Variants in TLE4 observed in about 807,000 individuals in gnomAD.
TLE4 encodes the protein TLE family member 4, transcriptional corepressor, also known as transducin-like enhancer protein 4.
A neutral mutation model predicts 92.8 loss-of-function variants in TLE4; 8 were observed. That is an observed-to-expected ratio of 0.09 (90% CI 0.05 to 0.16). The LOEUF (loss-of-function observed/expected upper bound fraction) is 0.16, where lower values mean the gene tolerates loss of function less well. TLE4 is among the 10% of genes least tolerant of loss of function. The pLI is 1.00. For synonymous variants in TLE4, 371 were observed against 374.1 expected (o/e 0.99, Z 0.10); for missense variants, 675 against 997.6 (o/e 0.68, Z 4.36).
chr9:79,573,636 C>A, intron 1 of TLE4, 53 bp from the exon 2 acceptor site: 1 of 1,442,888 alleles, frequency 6.9e-7, no homozygotes, highest in South Asian at 1.3e-5. Context: ...TTCTCCGTCT[C>A]CCTGCTTCGC....
chr9:79,624,006 T>C (rs1392099498), intron 5 of TLE4, among the ~76,000 whole-genome samples: 1 of 151,484 alleles, frequency 6.6e-6, no homozygotes, highest in African/African-American at 2.4e-5. Context: ...AAGCAGGAAG[T>C]AGAAGAGGAA....
chr9:79,698,872 C>T (rs948916298), intron 8 of TLE4, among the ~76,000 whole-genome samples: 2 of 144,270 alleles, frequency 1.4e-5, no homozygotes, highest in African/African-American at 2.6e-5. Context: ...TATATATATA[C>T]ATATATATAT....
At chr9:79,624,552 AAAG>A (rs1465477663) in intron 5 of TLE4, among the ~76,000 whole-genome samples, 6 of 152,204 alleles carry the variant, frequency 3.9e-5, no homozygotes, top group African/African-American at 9.6e-5. Context: ...TTGCCATCAA[AAAG>A]AAGAAGCTGA....
intron 4 of TLE4, among the ~76,000 whole-genome samples, chr9:79,610,865 C>G (rs1432024078): frequency 1.4e-5 from 2 of 147,850 alleles, no homozygotes; most frequent in African/African-American, 4.9e-5. Flanking sequence ...TGTAGGCGAA[C>G]TAAAGAACTC....
At chr9:79,663,216 AAGCAGAAACT>A (rs2060830209) in intron 8 of TLE4, among the ~76,000 whole-genome samples, 4 of 152,338 alleles carry the variant, frequency 2.6e-5, no homozygotes, top group Admixed American at 2.6e-4. Context: ...TTTATGAATT[AAGCAGAAACT>A]AAAAGCTTGA....
intron 4 of TLE4, among the ~76,000 whole-genome samples, chr9:79,583,486 T>G (rs1157059472): frequency 2.0e-5 from 3 of 152,176 alleles, no homozygotes; most frequent in African/African-American, 7.2e-5. Context: ...GAGACAATAC[T>G]CTATCCCCAA....
At chr9:79,654,176 A>G (rs1421001018) in intron 8 of TLE4, 101 bp downstream of exon 8, 9 of 1,263,928 alleles carry the variant, frequency 7.1e-6, no homozygotes, top group Non-Finnish European at 1.0e-5. Flanking sequence ...GAATGATTTC[A>G]TTGGTTAGTA....
chr9:79,572,419 G>T lies in TLE4; in HGVS notation c.-372G>T. On this transcript the variant is annotated 5_prime_UTR_variant, in exon 1 of 20. Transcript: ENST00000376552. The stretch of plus-strand genomic sequence containing the variant: ...GGACGCAGAGCGAGCGAGAGGAGCT[G>T]CCGGCGGGCGGTGGGGCGCGGAGCC... 6.5e-6 allele frequency: 1 copy of T among 152,722 alleles called. No homozygotes were observed. Among genetic ancestry groups the T allele is most frequent in the Non-Finnish European group, 1.5e-5 (1 of 68,430 alleles). 9.5% of individuals were successfully genotyped at this position (152,722 alleles called of 1,614,324 possible). A position where few individuals can be genotyped will look rare whatever the true frequency, so the allele number is the denominator to read the frequency against.
At chr9:79,686,072 TATAA>T (rs1335682215) in intron 8 of TLE4, among the ~76,000 whole-genome samples, 1 of 152,230 alleles carries the variant, frequency 6.6e-6, no homozygotes, top group African/African-American at 2.4e-5. Flanking sequence ...TAAGTAATAC[TATAA>T]ATAGGCATTA....
chr9:79,657,112 A>G (rs1372992768), intron 8 of TLE4, among the ~76,000 whole-genome samples: 1 of 152,168 alleles, frequency 6.6e-6, no homozygotes. Flanking sequence ...ATGATGAGAA[A>G]CTAGACCAGT....
At chr9:79,658,498 C>T (rs1397490131) in intron 8 of TLE4, among the ~76,000 whole-genome samples, 2 of 152,162 alleles carry the variant, frequency 1.3e-5, no homozygotes, top group African/African-American at 2.4e-5. Flanking sequence ...ACTAAAACAT[C>T]ATACATTGCT....
At chr9:79,673,867 G>T (rs750921459) in intron 8 of TLE4, among the ~76,000 whole-genome samples, 2 of 152,052 alleles carry the variant, frequency 1.3e-5, no homozygotes, top group African/African-American at 4.8e-5. Context: ...TTTTTGCCCC[G>T]ACCCCTGGTC....
intron 11 of TLE4, chr9:79,707,285 T>G: frequency 7.7e-7 from 1 of 1,292,786 alleles, no homozygotes; most frequent in Non-Finnish European, 1.1e-6. Flanking sequence ...AAGCTACATA[T>G]GACGGCAATA....
At chr9:79,638,924 C>T (rs2133881710) in intron 6 of TLE4, among the ~76,000 whole-genome samples, 1 of 152,132 alleles carries the variant, frequency 6.6e-6, no homozygotes, top group East Asian at 1.9e-4. Context: ...CAGAGGCTAC[C>T]CTCTGCTATC....
At chr9:79,576,410 ACT>A (rs1307744712) in intron 4 of TLE4, 13 of 310,782 alleles carry the variant, frequency 4.2e-5, no homozygotes, top group Non-Finnish European at 6.4e-5. Flanking sequence ...TACATATTAA[ACT>A]CTGTACACTT....
chr9:79,671,779 A>G (rs2062394139), intron 8 of TLE4, among the ~76,000 whole-genome samples: 1 of 152,070 alleles, frequency 6.6e-6, no homozygotes, highest in Non-Finnish European at 1.5e-5. Flanking sequence ...TGATTGCAGT[A>G]TTCAGGGTGC....
chr9:79,688,756 CTT>C (rs1461145329), intron 8 of TLE4, among the ~76,000 whole-genome samples: 11 of 151,912 alleles, frequency 7.2e-5, no homozygotes, highest in Admixed American at 7.2e-4. Flanking sequence ...GTTTTATACT[CTT>C]CAATTGCCAA....
At chr9:79,699,995 A>T (rs958867543) in intron 8 of TLE4, among the ~76,000 whole-genome samples, 1 of 152,218 alleles carries the variant, frequency 6.6e-6, no homozygotes, top group Non-Finnish European at 1.5e-5. Context: ...AAAATAGAAG[A>T]TCCACACTAG....
intron 6 of TLE4, among the ~76,000 whole-genome samples, chr9:79,650,906 A>G (rs181406143): frequency 6.4e-4 from 98 of 152,280 alleles, no homozygotes; most frequent in Non-Finnish European, 1.2e-3. Context: ...TTTGTAGTCA[A>G]ACATAGGAAG....
Sources: allele counts gnomAD v4.1 joint callset (sites outside exome capture counted in the v4.1 genomes callset), GRCh38; gene constraint gnomAD v4.1.1; transcripts MANE v1.5; gene names NCBI Gene and HGNC (gene_info 2026-07-23, HGNC 2026-07-21).